The following PTPRD variants were observed in gnomAD, a reference collection of about 807,000 sequenced individuals.
The protein encoded by PTPRD is protein tyrosine phosphatase receptor type D.
A neutral mutation model predicts 214.5 loss-of-function variants in PTPRD; 34 were observed. The observed-to-expected ratio is 0.16, with a 90% CI of 0.12 to 0.21. The LOEUF (loss-of-function observed/expected upper bound fraction) is 0.21. Ranked by LOEUF, PTPRD falls within the 10% of genes least tolerant of loss-of-function variation. PTPRD has a pLI of 1.00. For synonymous variants in PTPRD, 1,128 were observed against 845.7 expected, an observed-to-expected ratio of 1.33 and a Z score of -5.79; for missense variants, 2,545 against 2,398.7, an observed-to-expected ratio of 1.06 and a Z score of -1.27.
intron 5 of PTPRD, among the ~76,000 whole-genome samples, chr9:9,794,692 T>C (rs1397825750): frequency 2.0e-5 from 3 of 152,200 alleles, no homozygotes; most frequent in Non-Finnish European, 4.4e-5. Context: ...ATTACTATGT[T>C]CTCAATTTTA....
chr9:10,574,038 T>C (rs987133184), intron 2 of PTPRD, among the ~76,000 whole-genome samples: 6 of 152,170 alleles, frequency 3.9e-5, no homozygotes, highest in East Asian at 1.9e-4. Flanking sequence ...GAATTCCGAA[T>C]GTTAAAATCA....
chr9:10,497,366 G>A (rs2042375832), intron 2 of PTPRD, among the ~76,000 whole-genome samples: 1 of 151,764 alleles, frequency 6.6e-6, no homozygotes, highest in Non-Finnish European at 1.5e-5. Flanking sequence ...ATGTATACTA[G>A]ATTGTAAGCT....
intron 10 of PTPRD, among the ~76,000 whole-genome samples, chr9:9,088,194 T>G (rs1197347863): frequency 6.6e-6 from 1 of 151,450 alleles, no homozygotes; most frequent in Non-Finnish European, 1.5e-5. Context: ...AGCCCTAAAC[T>G]TTTGATTCTT....
intron 11 of PTPRD, among the ~76,000 whole-genome samples, chr9:8,892,583 GTATATATATGTGTA>G (rs2098549500): frequency 1.4e-5 from 2 of 141,742 alleles, no homozygotes; most frequent in African/African-American, 2.5e-5. Context: ...ATATATGTGT[GTATATATATGTGTA>G]TATATATGTG....
intron 14 of PTPRD, among the ~76,000 whole-genome samples, chr9:8,596,176 AAAAAT>A (rs1429137621): frequency 6.6e-6 from 1 of 152,140 alleles, no homozygotes; most frequent in Non-Finnish European, 1.5e-5. Flanking sequence ...AAATACAAGA[AAAAAT>A]AATATAGTAT....
chr9:10,395,387 T>C (rs1487325678), intron 2 of PTPRD, among the ~76,000 whole-genome samples: 9 of 151,694 alleles, frequency 5.9e-5, no homozygotes, highest in Admixed American at 5.3e-4. Flanking sequence ...TTGCTGAGAA[T>C]GATGGTTTGC....
intron 9 of PTPRD, among the ~76,000 whole-genome samples, chr9:9,361,262 A>T (rs1304830677): frequency 6.6e-6 from 1 of 151,012 alleles, no homozygotes; most frequent in Admixed American, 6.6e-5. Flanking sequence ...TCTCCCTTCA[A>T]TTCATTTGAG....
At chr9:10,270,301 T>C (rs189030605) in intron 3 of PTPRD, among the ~76,000 whole-genome samples, 2 of 152,284 alleles carry the variant, frequency 1.3e-5, no homozygotes, top group East Asian at 1.9e-4. Context: ...TATGCTGATA[T>C]AGCATTCATA....
chr9:9,669,166 T>C (rs750806391), intron 7 of PTPRD, among the ~76,000 whole-genome samples: 4 of 152,198 alleles, frequency 2.6e-5, no homozygotes, highest in Non-Finnish European at 5.9e-5. Flanking sequence ...CAAAGGATTA[T>C]AAATCATGCT....
intron 3 of PTPRD, among the ~76,000 whole-genome samples, chr9:10,209,972 C>G (rs563645938): frequency 3.6e-4 from 55 of 152,098 alleles, no homozygotes; most frequent in African/African-American, 1.3e-3. Context: ...TACCAAGAAT[C>G]AATGTAACAT....
intron 3 of PTPRD, among the ~76,000 whole-genome samples, chr9:10,055,120 C>A (rs2097603849): frequency 6.6e-6 from 1 of 152,074 alleles, no homozygotes; most frequent in Non-Finnish European, 1.5e-5. Context: ...TTGAATCTTC[C>A]TAATCTTTGA....
At chr9:9,674,248 G>T (rs1402468927) in intron 7 of PTPRD, among the ~76,000 whole-genome samples, 1 of 151,784 alleles carries the variant, frequency 6.6e-6, no homozygotes, top group Non-Finnish European at 1.5e-5. Context: ...TATTGATACT[G>T]TTTACAAGGA....
chr9:9,498,396 A>G (rs1467332994), intron 8 of PTPRD, among the ~76,000 whole-genome samples: 1 of 152,276 alleles, frequency 6.6e-6, no homozygotes, highest in South Asian at 2.1e-4. Flanking sequence ...GCTGTAATTT[A>G]AATCCAGGTT....
intron 9 of PTPRD, among the ~76,000 whole-genome samples, chr9:9,381,367 TTTTA>T (rs1284899535): frequency 4.7e-4 from 66 of 140,630 alleles, no homozygotes; most frequent in African/African-American, 1.6e-3. Flanking sequence ...TGCTTTTTTT[TTTTA>T]TTTTTTTTTT....
At chr9:10,448,998 A>T (rs1214221324) in intron 2 of PTPRD, among the ~76,000 whole-genome samples, 1 of 152,012 alleles carries the variant, frequency 6.6e-6, no homozygotes, top group Non-Finnish European at 1.5e-5. Flanking sequence ...AACCAATATA[A>T]TTTTAAATTG....
At chr9:10,102,637 T>A (rs775773202) in intron 3 of PTPRD, among the ~76,000 whole-genome samples, 4 of 151,596 alleles carry the variant, frequency 2.6e-5, no homozygotes, top group Non-Finnish European at 4.4e-5. Flanking sequence ...AGCCTCTGGA[T>A]TTCAGATATT....
intron 9 of PTPRD, among the ~76,000 whole-genome samples, chr9:9,186,630 CCCTCT>C (rs2099931712): frequency 2.1e-5 from 1 of 46,920 alleles, no homozygotes. Flanking sequence ...CTCTGTCTCT[CCCTCT>C]CTCTCTCTCT....
At chr9:9,127,502 G>A (rs1162109218) in intron 10 of PTPRD, among the ~76,000 whole-genome samples, 2 of 152,170 alleles carry the variant, frequency 1.3e-5, no homozygotes, top group African/African-American at 2.4e-5. Context: ...CCTTAGGCAA[G>A]GGAGAAATGT....
chr9:9,365,564 T>G (rs566569482), intron 9 of PTPRD, among the ~76,000 whole-genome samples: 82 of 151,554 alleles, frequency 5.4e-4, no homozygotes, highest in Non-Finnish European at 9.5e-4. Context: ...CAGGGGAGTA[T>G]GGCCAATACA....
Sources: allele counts gnomAD v4.1 joint callset (sites outside exome capture counted in the v4.1 genomes callset), GRCh38; gene constraint gnomAD v4.1.1; transcripts MANE v1.5; gene names NCBI Gene and HGNC (gene_info 2026-07-23, HGNC 2026-07-21).